Variants in FMO1 observed in about 807,000 individuals in gnomAD.
FMO1 encodes flavin containing dimethylaniline monoxygenase 1.
FMO1 carries 36 observed loss-of-function variants against 45.4 expected under a neutral mutation model. The ratio of observed to expected loss-of-function variants is 0.79; its 90% CI spans 0.61 to 1.05. FMO1 has a LOEUF of 1.05. FMO1 is among the 50% of genes least tolerant of loss of function. FMO1 has a pLI of 0.00. For synonymous variants in FMO1, 228 were observed against 227.2 expected (o/e 1.00, Z -0.03); for missense variants, 615 against 640.3 (o/e 0.96, Z 0.43).
intron 1 of FMO1, among the ~76,000 whole-genome samples, chr1:171,249,546 C>T (rs538682348): frequency 6.6e-6 from 1 of 151,946 alleles, no homozygotes; most frequent in Admixed American, 6.6e-5. Context: ...AAGTAGGCAC[C>T]TTCACCCACC....
intron 3 of FMO1, among the ~76,000 whole-genome samples, chr1:171,273,979 CTCTACTA>C (rs1660988006): frequency 6.6e-6 from 1 of 152,054 alleles, no homozygotes; most frequent in South Asian, 2.1e-4. Flanking sequence ...GAAACCCCAT[CTCTACTA>C]AAAATACAAA....
chr1:171,283,236 C>CTATAAATTATA lies in FMO1; in HGVS notation c.1256+20_1256+21insTATAAATTATA, dbSNP rs745840342. On this transcript the variant is annotated intron_variant, in intron 8 of 8. Coordinates refer to ENST00000617670, the MANE Select transcript of FMO1 (RefSeq NM_001282693.2). The stretch of plus-strand genomic sequence containing the variant: ...CAGTTGGTAAGTTAACTACTTAATG[C>CTATAAATTATA]ACCCTTTTTAAATTATAACTGAAAT... 2 of 455,608 alleles carry CTATAAATTATA rather than the reference C, an allele frequency of 4.4e-6. No individual in the cohort carries two copies. Among genetic ancestry groups the CTATAAATTATA allele is most frequent in the East Asian group, 1.6e-4 (2 of 12,832 alleles). 28.2% of individuals were successfully genotyped at this position (455,608 alleles called of 1,614,324 possible).
chr1:171,253,710 G>A (rs530343389), intron 1 of FMO1, among the ~76,000 whole-genome samples: 1 of 151,898 alleles, frequency 6.6e-6, no homozygotes, highest in Non-Finnish European at 1.5e-5. Context: ...GCAGTGAGCC[G>A]AGATCATGCA....
At chr1:171,258,903 G>A (rs371054440) in intron 2 of FMO1, among the ~76,000 whole-genome samples, 1 of 152,270 alleles carries the variant, frequency 6.6e-6, no homozygotes. Flanking sequence ...CTGGCCTGGG[G>A]CCCCACGAGA....
At chr1:171,265,022 A>G (rs1263664818) in intron 2 of FMO1, among the ~76,000 whole-genome samples, 2 of 152,264 alleles carry the variant, frequency 1.3e-5, no homozygotes, top group African/African-American at 4.8e-5. Flanking sequence ...GCTGAGCTAC[A>G]GAGCTGTGCT....
At chr1:171,278,628 C>A in intron 4 of FMO1, 101 bp from the exon 5 acceptor site, 1 of 928,602 alleles carries the variant, frequency 1.1e-6, no homozygotes, top group Non-Finnish European at 1.6e-6. Flanking sequence ...TAAAAATGAC[C>A]AAAATCATCT....
At chr1:171,270,804 G>A (rs1050028318) in intron 3 of FMO1, 8 of 776,272 alleles carry the variant, frequency 1.0e-5, no homozygotes, top group African/African-American at 1.8e-5. Context: ...ATTCGGTAGT[G>A]TGTTAACTTT....
intron 5 of FMO1, among the ~76,000 whole-genome samples, chr1:171,279,991 T>A (rs1432891048): frequency 6.6e-6 from 1 of 152,178 alleles, no homozygotes; most frequent in Non-Finnish European, 1.5e-5. Flanking sequence ...CGAAGTGATC[T>A]CTCCCTATTC....
At position 171,282,281 on chromosome 1, in the gene FMO1, C is replaced by T; in HGVS notation, c.1131C>T (p.Ser377=). ...TTGGCCTCATCAAACCCTTGGGCTCCATGATACCTACAGGAGAAACACAAG... is the reference window on the plus strand; with the variant it reads ...TTGGCCTCATCAAACCCTTGGGCTCTATGATACCTACAGGAGAAACACAAG... The part of the protein sequence containing the change: ...AIIGLIKPLG[S]MIPTGETQAR... The change falls in exon 7 of 9, where the codon TCC becomes TCT. Residue 377 remains serine, a synonymous_variant. Coordinates refer to ENST00000617670, the MANE Select transcript of FMO1 (RefSeq NM_001282693.2). 2 of 1,613,904 alleles carry T rather than the reference C, an allele frequency of 1.2e-6. No homozygotes were observed. Among genetic ancestry groups the T allele is most frequent in the South Asian group, 2.2e-5 (2 of 91,044 alleles).
intron 2 of FMO1, 99 bp from the exon 3 acceptor site, chr1:171,267,444 G>A: frequency 1.4e-6 from 1 of 722,330 alleles, no homozygotes. Flanking sequence ...ATTCTCCTGT[G>A]CTTGGCAATG....
chr1:171,276,285 A>C (rs552414097), intron 4 of FMO1, among the ~76,000 whole-genome samples: 3 of 152,324 alleles, frequency 2.0e-5, no homozygotes, highest in Admixed American at 6.5e-5. Context: ...CCCAGAGGTC[A>C]CTCAGATCAG....
intron 2 of FMO1, among the ~76,000 whole-genome samples, chr1:171,266,602 CA>C (rs1278192280): frequency 1.3e-5 from 2 of 152,116 alleles, no homozygotes; most frequent in Non-Finnish European, 2.9e-5. Flanking sequence ...CAGACAGATA[CA>C]GGAATCTATA....
chr1:171,251,529 T>C (rs965356654), intron 1 of FMO1: 4 of 151,712 alleles, frequency 2.6e-5, no homozygotes, highest in African/African-American at 9.7e-5. Flanking sequence ...TTACCTTCGT[T>C]TTCGGGCGGT....
chr1:171,258,872 G>T lies in FMO1; in HGVS notation c.132+653G>T, dbSNP rs542432172. 3.1e-3 allele frequency among the ~76,000 whole-genome samples: 475 copies of T among 152,226 alleles called. 1 individual carries two copies. Among genetic ancestry groups the T allele is most frequent in the Non-Finnish European group, 5.6e-3 (381 of 68,022 alleles). On this transcript the variant is annotated intron_variant, in intron 2 of 8. Transcript: ENST00000617670. The stretch of plus-strand genomic sequence containing the variant: ...GAAGGGGTGAGGACCGAGGAAAGGG[G>T]ACTATAAAGCCCACCCTTGCCTGGC...
intron 1 of FMO1, among the ~76,000 whole-genome samples, chr1:171,256,897 T>C (rs1207193463): frequency 6.6e-6 from 1 of 152,118 alleles, no homozygotes; most frequent in African/African-American, 2.4e-5. Context: ...CAAAAATATA[T>C]TGGGGGAAAA....
chr1:171,263,867 C>A (rs556009551), intron 2 of FMO1, among the ~76,000 whole-genome samples: 11 of 151,986 alleles, frequency 7.2e-5, no homozygotes, highest in Non-Finnish European at 1.5e-5. Flanking sequence ...CACAGTGAGG[C>A]GAACACTGGA....
At position 171,282,036 on chromosome 1, in the gene FMO1, A is replaced by T. The variant is rs374416986; in HGVS notation, c.886A>T (p.Lys296Ter). Reference sequence around the variant, plus strand: ...GCTCCCAGGACGCATCATCACTGGGAAAGTGTTCATCAGGCCAAGCATAAA... The same window carrying T: ...GCTCCCAGGACGCATCATCACTGGGTAAGTGTTCATCAGGCCAAGCATAAA... The part of the protein sequence containing the change: ...DELPGRIITG[K>*]VFIRPSIKEV... Residue 296 changes from lysine (K) to a stop codon, truncating the protein, a stop_gained, in exon 7 of 9, where the codon AAA (lysine) becomes TAA (stop). Transcript: ENST00000617670. LOFTEE classifies it high-confidence loss of function. 1.9e-6 allele frequency: 3 copies of T among 1,613,456 alleles called. No individual in the cohort carries two copies. Among genetic ancestry groups the T allele is most frequent in the Non-Finnish European group, 2.5e-6 (3 of 1,179,866 alleles).
chr1:171,278,677 C>T (rs1661215102), intron 4 of FMO1, 52 bp from the exon 5 acceptor site: 2 of 1,331,338 alleles, frequency 1.5e-6, no homozygotes, highest in Non-Finnish European at 1.0e-6. Context: ...ATTTATGTTT[C>T]ATTCACTGAT....
intron 3 of FMO1, among the ~76,000 whole-genome samples, chr1:171,272,157 G>A (rs1180396258): frequency 6.6e-6 from 1 of 152,242 alleles, no homozygotes; most frequent in East Asian, 1.9e-4. Context: ...GGCCAACATA[G>A]AGCTCAGGCA....
Sources: allele counts gnomAD v4.1 joint callset (sites outside exome capture counted in the v4.1 genomes callset), GRCh38; gene constraint gnomAD v4.1.1; transcripts MANE v1.5; gene names NCBI Gene and HGNC (gene_info 2026-07-23, HGNC 2026-07-21).